Variants in CDH12 observed in about 807,000 individuals in gnomAD.
CDH12 encodes the protein cadherin-12.
Under a neutral mutation model 74.1 loss-of-function variants are expected in CDH12, and 41 were observed. That is an observed-to-expected ratio of 0.55 (90% CI 0.43 to 0.72). CDH12 has a LOEUF of 0.72. Ranked by LOEUF, CDH12 falls within the 30% of genes least tolerant of loss-of-function variation. The pLI is 0.00. For synonymous variants in CDH12, 399 were observed against 355.0 expected, an observed-to-expected ratio of 1.12 and a Z score of -1.39; for missense variants, 945 against 977.2, an observed-to-expected ratio of 0.97 and a Z score of 0.44.
chr5:22,016,157 T>C (rs576388573), intron 5 of CDH12, among the ~76,000 whole-genome samples: 4 of 152,202 alleles, frequency 2.6e-5, no homozygotes, highest in African/African-American at 9.6e-5. Flanking sequence ...CTGAATACAT[T>C]AGGAAACGGA....
chr5:22,585,444 A>T (rs1740336653), intron 1 of CDH12, among the ~76,000 whole-genome samples: 1 of 152,170 alleles, frequency 6.6e-6, no homozygotes, highest in Non-Finnish European at 1.5e-5. Context: ...ATCTTTAAAC[A>T]CTTCAGGACA....
At chr5:21,980,310 A>T (rs1012103796) in intron 5 of CDH12, among the ~76,000 whole-genome samples, 4 of 152,052 alleles carry the variant, frequency 2.6e-5, no homozygotes, top group African/African-American at 9.7e-5. Context: ...TTTCCTGGCG[A>T]GAGGTAGAGA....
intron 4 of CDH12, among the ~76,000 whole-genome samples, chr5:22,153,850 G>T (rs1300261907): frequency 3.3e-5 from 4 of 122,008 alleles, no homozygotes; most frequent in Non-Finnish European, 6.7e-5. Context: ...ATACATATAT[G>T]TGTGTGTGTA....
intron 10 of CDH12, among the ~76,000 whole-genome samples, chr5:21,789,755 T>C (rs1183511280): frequency 6.6e-6 from 1 of 152,124 alleles, no homozygotes; most frequent in Admixed American, 6.6e-5. Flanking sequence ...TCAATTATTA[T>C]GTAGATGTTG....
chr5:22,187,654 GA>G (rs993049801), intron 4 of CDH12, among the ~76,000 whole-genome samples: 2 of 105,480 alleles, frequency 1.9e-5, no homozygotes, highest in African/African-American at 7.0e-5. Context: ...CTTGAAAGAG[GA>G]AAAAAAAAAG....
chr5:22,453,751 G>A (rs549652268), intron 2 of CDH12, among the ~76,000 whole-genome samples: 37 of 152,200 alleles, frequency 2.4e-4, no homozygotes, highest in Admixed American at 7.9e-4. Context: ...TCACTGCAAA[G>A]AATTGATAAC....
At chr5:21,897,229 A>G (rs1753167491) in intron 6 of CDH12, among the ~76,000 whole-genome samples, 1 of 152,204 alleles carries the variant, frequency 6.6e-6, no homozygotes, top group Admixed American at 6.5e-5. Context: ...AATCTGGTTG[A>G]CAGAAATTTT....
At chr5:21,784,380 A>G (rs1746086843) in intron 10 of CDH12, among the ~76,000 whole-genome samples, 1 of 152,134 alleles carries the variant, frequency 6.6e-6, no homozygotes, top group Non-Finnish European at 1.5e-5. Context: ...TGAGAATAAA[A>G]AATGTCTGCA....
At chr5:22,362,221 A>G (rs1344911907) in intron 3 of CDH12, among the ~76,000 whole-genome samples, 1 of 152,214 alleles carries the variant, frequency 6.6e-6, no homozygotes, top group African/African-American at 2.4e-5. Context: ...AAAGAACTCA[A>G]ACAAATTTAC....
intron 1 of CDH12, among the ~76,000 whole-genome samples, chr5:22,531,549 A>G (rs1156884258): frequency 6.6e-6 from 1 of 152,114 alleles, no homozygotes; most frequent in Non-Finnish European, 1.5e-5. Context: ...CCTTTGTGGG[A>G]GGGAAGGGCT....
At chr5:21,810,913 C>T (rs1477737455) in intron 9 of CDH12, among the ~76,000 whole-genome samples, 1 of 151,998 alleles carries the variant, frequency 6.6e-6, no homozygotes, top group Non-Finnish European at 1.5e-5. Context: ...TGCTATGCTA[C>T]CAAATCATGT....
At chr5:22,326,579 G>A (rs2968389) in intron 3 of CDH12, among the ~76,000 whole-genome samples, 144,073 of 152,278 alleles carry the variant, frequency 0.95, 68,236 homozygotes, top group Non-Finnish European at 0.97. Context: ...GAACAACAGC[G>A]TTAACATTCT....
chr5:21,760,760 T>A, intron 12 of CDH12, 85 bp from the exon 13 acceptor site: 2 of 810,922 alleles, frequency 2.5e-6, no homozygotes, highest in Non-Finnish European at 4.3e-6. Context: ...TAATGAAGCA[T>A]GCAAGTAGAC....
intron 3 of CDH12, among the ~76,000 whole-genome samples, chr5:22,374,189 A>G (rs1561354489): frequency 6.6e-6 from 1 of 152,186 alleles, no homozygotes; most frequent in Non-Finnish European, 1.5e-5. Flanking sequence ...ACTTCACATT[A>G]ACAGAACAAA....
At chr5:21,959,752 CAAAAAAAAAAA>C (rs1176227757) in intron 6 of CDH12, among the ~76,000 whole-genome samples, 3 of 80,822 alleles carry the variant, frequency 3.7e-5, no homozygotes, top group Non-Finnish European at 5.0e-5. Context: ...TACTAAAATC[CAAAAAAAAAAA>C]AAAAAAAAAA....
In CDH12 at chr5:22,161,534, C is replaced by CATA. The variant is rs748601549; in HGVS notation, c.-187+50961_-187+50963dup. Among the ~76,000 whole-genome samples, 230 of 151,222 alleles carry CATA rather than the reference C, an allele frequency of 1.5e-3. 1 individual carries two copies. Among genetic ancestry groups the CATA allele is most frequent in the South Asian group, 2.5e-3 (12 of 4,780 alleles). On this transcript the variant is annotated intron_variant, in intron 4 of 14. Transcript: ENST00000382254. ...CAACATAGCAAGACCCTGTCTGTATCATAATAATAATAATAATAATAAATT... is the reference window on the plus strand; with the variant it reads ...CAACATAGCAAGACCCTGTCTGTATCATAATAATAATAATAATAATAATAAATT...
chr5:22,330,479 G>A (rs574011240), intron 3 of CDH12, among the ~76,000 whole-genome samples: 15 of 152,198 alleles, frequency 9.9e-5, no homozygotes, highest in African/African-American at 3.1e-4. Context: ...GGGGCCAAGC[G>A]TGGTGGCTCA....
chr5:22,424,070 C>T (rs1187958783), intron 2 of CDH12, among the ~76,000 whole-genome samples: 1 of 145,680 alleles, frequency 6.9e-6, no homozygotes, highest in African/African-American at 2.5e-5. Flanking sequence ...AGGGTGACTG[C>T]ATTATGCTTG....
At chr5:22,164,343 G>C (rs920918250) in intron 4 of CDH12, among the ~76,000 whole-genome samples, 3 of 152,198 alleles carry the variant, frequency 2.0e-5, no homozygotes, top group African/African-American at 7.2e-5. Flanking sequence ...CAATTAGGAT[G>C]AACCCAGGCA....
Sources: allele counts gnomAD v4.1 joint callset (sites outside exome capture counted in the v4.1 genomes callset), GRCh38; gene constraint gnomAD v4.1.1; transcripts MANE v1.5; gene names NCBI Gene and HGNC (gene_info 2026-07-23, HGNC 2026-07-21).